Variants in ADCY8 observed in about 807,000 individuals in gnomAD.
ADCY8 encodes adenylate cyclase 8.
ADCY8 carries 51 observed loss-of-function variants against 119.7 expected under a neutral mutation model. That is an observed-to-expected ratio of 0.43 (90% CI 0.34 to 0.54). ADCY8 has a LOEUF of 0.54. Ranked by LOEUF, ADCY8 falls within the 20% of genes least tolerant of loss-of-function variation. The pLI, the probability that ADCY8 is intolerant of heterozygous loss-of-function variation, is 0.03. For synonymous variants in ADCY8, 665 were observed against 651.0 expected (o/e 1.02, Z -0.33); for missense variants, 1,383 against 1,598.8 (o/e 0.87, Z 2.30).
At chr8:130,934,240 GA>G (rs1267871722) in intron 5 of ADCY8, among the ~76,000 whole-genome samples, 1 of 152,146 alleles carries the variant, frequency 6.6e-6, no homozygotes, top group Non-Finnish European at 1.5e-5. Flanking sequence ...AATTTATAAA[GA>G]AAAAAGGTTT....
rs1824284352 is a variant in ADCY8, at chr8:131,039,527, G to A, written c.807C>T (p.Asp269=). Residue 269 remains aspartate (D), a synonymous_variant, in exon 1 of 18, where the codon GAC becomes GAT. Coordinates refer to ENST00000286355, the MANE Select transcript of ADCY8 (RefSeq NM_001115.3). ...GCGTGAAGAGCACGTAGCCTATGCCGTCGCCCAGGAGCCCGTAGCCGAGGC... is the reference window on the plus strand; with the variant it reads ...GCGTGAAGAGCACGTAGCCTATGCCATCGCCCAGGAGCCCGTAGCCGAGGC... The part of the protein sequence containing the change: ...AAGLGYGLLG[D]GIGYVLFTLF... 1.2e-6 allele frequency: 2 copies of A among 1,613,846 alleles called. No individual in the cohort carries two copies. The highest frequency in any genetic ancestry group is 2.2e-5 in the East Asian group (1 of 44,864).
intron 12 of ADCY8, among the ~76,000 whole-genome samples, chr8:130,822,921 T>C (rs1353429954): frequency 6.6e-6 from 1 of 152,146 alleles, no homozygotes; most frequent in Non-Finnish European, 1.5e-5. Flanking sequence ...GGCCCACATT[T>C]CCCCCTTGCC....
chr8:130,950,461 G>T (rs947982503), intron 3 of ADCY8, among the ~76,000 whole-genome samples: 1 of 152,168 alleles, frequency 6.6e-6, no homozygotes, highest in African/African-American at 2.4e-5. Context: ...TTGGGGACAG[G>T]GAATTGCAGT....
At chr8:130,956,599 G>T (rs1017104246) in intron 2 of ADCY8, among the ~76,000 whole-genome samples, 2 of 152,200 alleles carry the variant, frequency 1.3e-5, no homozygotes, top group Non-Finnish European at 2.9e-5. Flanking sequence ...GGAGCTCTTT[G>T]CGTTCATCTT....
intron 14 of ADCY8, among the ~76,000 whole-genome samples, chr8:130,808,854 C>T (rs1171111066): frequency 6.6e-6 from 1 of 151,796 alleles, no homozygotes; most frequent in African/African-American, 2.4e-5. Flanking sequence ...TGTGGACTCT[C>T]CAGCACCTGG....
chr8:130,903,552 AGAGG>A (rs1819676715), intron 7 of ADCY8, among the ~76,000 whole-genome samples: 1 of 147,462 alleles, frequency 6.8e-6, no homozygotes, highest in Non-Finnish European at 1.5e-5. Flanking sequence ...AGAGAGAGAG[AGAGG>A]GTGTTAGGAA....
At chr8:130,959,999 A>AAAAG (rs1181966360) in intron 2 of ADCY8, among the ~76,000 whole-genome samples, 1 of 152,202 alleles carries the variant, frequency 6.6e-6, no homozygotes, top group Non-Finnish European at 1.5e-5. Flanking sequence ...TGAAATACAG[A>AAAAG]AAAGAGTAGA....
At chr8:131,000,287 G>T (rs1019900414) in intron 1 of ADCY8, among the ~76,000 whole-genome samples, 1 of 152,122 alleles carries the variant, frequency 6.6e-6, no homozygotes, top group Non-Finnish European at 1.5e-5. Context: ...TCAGGAGACA[G>T]GGGTATAATT....
At chr8:130,866,114 T>C (rs1260883973) in intron 9 of ADCY8, among the ~76,000 whole-genome samples, 3 of 152,120 alleles carry the variant, frequency 2.0e-5, no homozygotes, top group Non-Finnish European at 4.4e-5. Flanking sequence ...ACTTCTATAT[T>C]GGAATGTATG....
At chr8:130,830,368 G>T (rs1337744826) in intron 12 of ADCY8, among the ~76,000 whole-genome samples, 1 of 152,102 alleles carries the variant, frequency 6.6e-6, no homozygotes, top group East Asian at 1.9e-4. Context: ...TAATATTAGG[G>T]TGGAGGGGTC....
chr8:130,881,458 GTCT>G (rs1179182250), intron 8 of ADCY8, among the ~76,000 whole-genome samples: 1 of 152,070 alleles, frequency 6.6e-6, no homozygotes, highest in Non-Finnish European at 1.5e-5. Context: ...ATATTCATTT[GTCT>G]TCTTATTGTT....
At chr8:130,968,017 T>C (rs1821812073) in intron 2 of ADCY8, among the ~76,000 whole-genome samples, 1 of 152,196 alleles carries the variant, frequency 6.6e-6, no homozygotes, top group Non-Finnish European at 1.5e-5. Flanking sequence ...CAGTGTGATA[T>C]GTTCTTGTAA....
intron 12 of ADCY8, among the ~76,000 whole-genome samples, chr8:130,831,533 A>G (rs1458382547): frequency 1.3e-5 from 2 of 152,230 alleles, no homozygotes; most frequent in Admixed American, 1.3e-4. Flanking sequence ...GGAGATGGAC[A>G]TATCAGGCAG....
At chr8:130,812,765 G>A (rs1218483820) in intron 14 of ADCY8, among the ~76,000 whole-genome samples, 1 of 152,090 alleles carries the variant, frequency 6.6e-6, no homozygotes, top group East Asian at 1.9e-4. Flanking sequence ...TAGGCAATGG[G>A]CTAAGAAGAT....
At chr8:130,937,614 T>C (rs1398098172) in intron 4 of ADCY8, among the ~76,000 whole-genome samples, 1 of 152,212 alleles carries the variant, frequency 6.6e-6, no homozygotes, top group Non-Finnish European at 1.5e-5. Context: ...AGCTTAATAG[T>C]AAGCACTTAA....
At chr8:130,880,276 C>A (rs1298662270) in intron 8 of ADCY8, among the ~76,000 whole-genome samples, 1 of 152,040 alleles carries the variant, frequency 6.6e-6, no homozygotes, top group Non-Finnish European at 1.5e-5. Flanking sequence ...ATGACAGATG[C>A]CAGAATGGTA....
intron 2 of ADCY8, among the ~76,000 whole-genome samples, chr8:130,961,265 C>T (rs767881801): frequency 5.0e-4 from 76 of 152,038 alleles, no homozygotes; most frequent in Admixed American, 3.3e-4. Context: ...CCTGCCACCA[C>T]TCCTGGCTAA....
chr8:130,836,224 C>T (rs1483445414), intron 12 of ADCY8, 53 bp downstream of exon 12: 2 of 1,526,502 alleles, frequency 1.3e-6, no homozygotes, highest in African/African-American at 2.8e-5. Context: ...CCAACAATTC[C>T]ACTTCCCACA....
intron 15 of ADCY8, among the ~76,000 whole-genome samples, chr8:130,796,538 G>A (rs1414896679): frequency 6.6e-6 from 1 of 152,104 alleles, no homozygotes; most frequent in Non-Finnish European, 1.5e-5. Context: ...CAGTATTAAA[G>A]TGAACAGCAG....
Sources: allele counts gnomAD v4.1 joint callset (sites outside exome capture counted in the v4.1 genomes callset), GRCh38; gene constraint gnomAD v4.1.1; transcripts MANE v1.5; gene names NCBI Gene and HGNC (gene_info 2026-07-23, HGNC 2026-07-21).